The following BCAS2 variants were observed in gnomAD, a reference collection of about 807,000 sequenced individuals.
BCAS2 encodes pre-mRNA-splicing factor SPF27.
A neutral mutation model predicts 35.3 loss-of-function variants in BCAS2; 34 were observed. The ratio of observed to expected loss-of-function variants is 0.96; its 90% CI spans 0.73 to 1.28. BCAS2 has a LOEUF of 1.28. Ranked by LOEUF, BCAS2 falls within the 50% of genes most tolerant of loss-of-function variation. The pLI, the probability that BCAS2 is intolerant of heterozygous loss-of-function variation, is 0.00. For missense variants in BCAS2, 221 were observed against 268.1 expected (o/e 0.82, Z 1.23); for synonymous variants, 75 against 91.6 (o/e 0.82, Z 1.03).
At chr1:114,575,377 T>G (rs1056008711) in intron 4 of BCAS2, among the ~76,000 whole-genome samples, 3 of 144,972 alleles carry the variant, frequency 2.1e-5, no homozygotes, top group Non-Finnish European at 4.5e-5. Flanking sequence ...TTTTTTTTTG[T>G]AGAAATGGGG....
intron 6 of BCAS2, 148 bp from the exon 7 acceptor site, chr1:114,568,404 T>C: frequency 1.1e-6 from 1 of 930,844 alleles, no homozygotes; most frequent in Non-Finnish European, 1.5e-6. Context: ...CTCGCTCTTG[T>C]TGCCCAGGCT....
In BCAS2 at chr1:114,569,879, G is replaced by A. The variant is rs1654604256; in HGVS notation, c.551+113C>T. The A allele has an allele frequency of 8.9e-6, 7 of 789,972 alleles. No individual in the cohort carries two copies. In the East Asian group the frequency reaches 1.1e-4, roughly 12 times the overall value. 48.9% of individuals were successfully genotyped at this position (789,972 alleles called of 1,614,324 possible). On this transcript the variant is annotated intron_variant, in intron 6 of 6. Transcript: ENST00000369541. ...CGGGGAAGGGTGAATTCAGAAAATA[G>A]CATTTCTTTGTTACCTGTGGCATCC...
chr1:114,569,340 G>T (rs1654595178), intron 6 of BCAS2, among the ~76,000 whole-genome samples: 1 of 151,632 alleles, frequency 6.6e-6, no homozygotes, highest in Admixed American at 6.6e-5. Context: ...GAATGGCCAA[G>T]CAAAAAGGAA....
intron 4 of BCAS2, 78 bp from the exon 5 acceptor site, chr1:114,570,828 G>A: frequency 2.0e-6 from 2 of 1,015,172 alleles, no homozygotes; most frequent in African/African-American, 1.6e-5. Context: ...AAGTTTTTCT[G>A]CCAAAAATCA....
chr1:114,575,163 C>T (rs557990386), intron 4 of BCAS2, among the ~76,000 whole-genome samples: 140 of 146,938 alleles, frequency 9.5e-4, no homozygotes, highest in African/African-American at 3.2e-3. Flanking sequence ...TAAACCACCG[C>T]GCCCGGCTTT....
chr1:114,569,725 T>C (rs1654601322), intron 6 of BCAS2, among the ~76,000 whole-genome samples: 1 of 151,480 alleles, frequency 6.6e-6, no homozygotes. Flanking sequence ...AGGCCAAAAA[T>C]ACTAGACTAA....
chr1:114,581,126 A>G (rs1564824), intron 2 of BCAS2, among the ~76,000 whole-genome samples, 173 bp downstream of exon 2: 19,050 of 152,196 alleles, frequency 0.13, 1,694 homozygotes, highest in East Asian at 0.45. Context: ...GGATCTTAGA[A>G]TAAGAACCTC....
Position 114,581,609 on chromosome 1 carries a change from T to A in BCAS2, c.-18A>T. 6.2e-7 allele frequency: 1 copy of A among 1,612,584 alleles called. No homozygotes were observed. The highest frequency in any genetic ancestry group is 8.5e-7 in the Non-Finnish European group (1 of 1,179,860). Reference sequence around the variant, plus strand: ...CCCGCCATTCTGAGGACCTCAGGTTTGCCTGCGTTTTCTGCGTCTGCGTAA... The same window carrying A: ...CCCGCCATTCTGAGGACCTCAGGTTAGCCTGCGTTTTCTGCGTCTGCGTAA... On this transcript the variant is annotated 5_prime_UTR_variant, in exon 1 of 7. Transcript: ENST00000369541.
At chr1:114,577,460 G>A (rs771859867) in intron 2 of BCAS2, among the ~76,000 whole-genome samples, 4 of 151,970 alleles carry the variant, frequency 2.6e-5, no homozygotes, top group South Asian at 4.1e-4. Context: ...TCTGCCTCCC[G>A]GGTTCAAGCG....
chr1:114,575,962 TTAAA>T (rs1443885343), intron 3 of BCAS2, among the ~76,000 whole-genome samples: 7 of 152,196 alleles, frequency 4.6e-5, no homozygotes, highest in African/African-American at 1.7e-4. Flanking sequence ...TGTGAACTGG[TTAAA>T]TAAGCAACAT....
intron 2 of BCAS2, 142 bp from the exon 3 acceptor site, chr1:114,576,900 C>T: frequency 1.6e-6 from 1 of 608,270 alleles, no homozygotes; most frequent in Admixed American, 2.7e-5. Flanking sequence ...GTTAAATGCT[C>T]TCTAGAATCT....
intron 4 of BCAS2, among the ~76,000 whole-genome samples, chr1:114,571,233 T>A (rs1654633932): frequency 6.6e-6 from 1 of 152,024 alleles, no homozygotes; most frequent in African/African-American, 2.4e-5. Context: ...TTTTGTATTT[T>A]TTTTTTTAGT....
Position 114,567,994 on chromosome 1 carries a change from G to T in BCAS2, c.*136C>A. ...ATATACAAATAGAATTACCACAGCA[G>T]CCTACACCTTCTATGATTTCTAAAC... is the stretch of plus-strand genomic sequence containing the variant. On this transcript the variant is annotated 3_prime_UTR_variant, in exon 7 of 7. Coordinates refer to ENST00000369541, the MANE Select transcript of BCAS2 (RefSeq NM_005872.3). 8.5e-7 allele frequency: 1 copy of T among 1,172,608 alleles called. No homozygotes were observed. The highest frequency in any genetic ancestry group is 1.2e-6 in the Non-Finnish European group (1 of 825,116). 72.6% of individuals were successfully genotyped at this position (1,172,608 alleles called of 1,614,324 possible). A position where few individuals can be genotyped will look rare whatever the true frequency, so the allele number is the denominator to read the frequency against.
At chr1:114,579,550 T>C (rs1440023940) in intron 2 of BCAS2, among the ~76,000 whole-genome samples, 3 of 152,152 alleles carry the variant, frequency 2.0e-5, no homozygotes, top group African/African-American at 7.2e-5. Context: ...AACACGTTCA[T>C]AGGAACATAC....
In BCAS2 at chr1:114,568,164, T is replaced by C; in HGVS notation, c.644A>G (p.Glu215Gly). 6.2e-7 allele frequency: 1 copy of C among 1,613,320 alleles called. No individual in the cohort carries two copies. The highest frequency in any genetic ancestry group is 8.5e-7 in the Non-Finnish European group (1 of 1,179,974). The part of the protein sequence containing the change: ...EIYQIKQQHG[E>G]ANKENIRQDF ...TTGCCGGATGTTTTCTTTGTTTGCC[T>C]CTCCATGTTGCTGCTTAATTTGATA... The change falls in exon 7 of 7, where the codon GAG becomes GGG. Residue 215 changes from glutamate (E) to glycine (G), a missense_variant. By Grantham distance (98) the Glu-to-Gly change is moderately conservative. Transcript: ENST00000369541.
chr1:114,581,565 T>TC lies in BCAS2; in HGVS notation c.26dup (p.Glu10ArgfsTer11). On this transcript the variant is annotated frameshift_variant, in exon 1 of 7. Transcript: ENST00000369541. LOFTEE classifies it high-confidence loss of function. ...ACGGCAGCGCATCCACCACAACCTC[T>TC]CCAGCCACCAAACCTGTGCCCGCCA... 6.2e-7 allele frequency: 1 copy of TC among 1,610,938 alleles called. No homozygotes were observed. The highest frequency in any genetic ancestry group is 8.5e-7 in the Non-Finnish European group (1 of 1,179,616).
chr1:114,568,420 A>G (rs1378244484), intron 6 of BCAS2, among the ~76,000 whole-genome samples, 164 bp from the exon 7 acceptor site: 1 of 151,628 alleles, frequency 6.6e-6, no homozygotes, highest in East Asian at 1.9e-4. Context: ...AGGCTGGAGA[A>G]CAATGGCGCA....
Position 114,581,290 on chromosome 1 carries a change from C to G in BCAS2, c.186+9G>C, listed in dbSNP as rs1375118232. On this transcript the variant is annotated intron_variant, in intron 2 of 6. Coordinates refer to ENST00000369541, the MANE Select transcript of BCAS2 (RefSeq NM_005872.3). ...TTCTCGTTCACACCTAGGCTCAAGA[C>G]ATACTTACTTCAAAGGCAGAATAAT... 1 of 1,613,740 alleles carries G rather than the reference C, an allele frequency of 6.2e-7. No homozygotes were observed.
chr1:114,577,294 A>C (rs1417847717), intron 2 of BCAS2, among the ~76,000 whole-genome samples: 5 of 152,224 alleles, frequency 3.3e-5, no homozygotes, highest in Non-Finnish European at 7.3e-5. Context: ...CCACACCAGC[A>C]AGAAGGCCCT....
Sources: allele counts gnomAD v4.1 joint callset (sites outside exome capture counted in the v4.1 genomes callset), GRCh38; gene constraint gnomAD v4.1.1; transcripts MANE v1.5; gene names NCBI Gene and HGNC (gene_info 2026-07-23, HGNC 2026-07-21).